Variants in PTPRG observed in about 807,000 individuals in gnomAD.
The protein encoded by PTPRG is protein tyrosine phosphatase receptor type G.
Under a neutral mutation model 165.3 loss-of-function variants are expected in PTPRG, and 102 were observed. That is an observed-to-expected ratio of 0.62 (90% CI 0.53 to 0.73). PTPRG has a LOEUF of 0.73. Among genes scored for constraint, PTPRG ranks in the 30% least tolerant of loss-of-function variants. The pLI is 0.00. For missense variants in PTPRG, 1,866 were observed against 1,861.4 expected (o/e 1.00, Z -0.05); for synonymous variants, 675 against 669.5 (o/e 1.01, Z -0.13).
chr3:61,821,099 T>A (rs558236523), intron 2 of PTPRG, among the ~76,000 whole-genome samples: 1 of 152,328 alleles, frequency 6.6e-6, no homozygotes, highest in Non-Finnish European at 1.5e-5. Context: ...TTTAACTTTT[T>A]CAATAATAAA....
Position 62,245,806 on chromosome 3 carries a change from A to G in PTPRG, c.2467+1908A>G, listed in dbSNP as rs1411834218. ...GCAGTCATGGAGAGAGAGCATTTGC[A>G]TGACTCTCATGTTAAAATTGTGTCC... On this transcript the variant is annotated intron_variant, in intron 15 of 29. Transcript: ENST00000474889. This position sits in a 1 kb window ranked among gnomAD's most constrained non-coding sequence, Gnocchi z 4.2. 6.6e-6 allele frequency among the ~76,000 whole-genome samples: 1 copy of G among 152,114 alleles called. No homozygotes were observed. Among genetic ancestry groups the G allele is most frequent in the Non-Finnish European group, 1.5e-5 (1 of 67,996 alleles).
rs1559735849 is a variant in PTPRG, at chr3:61,995,687, CCTTCCTTCCTTCCTTCCTTCCT to C, written c.370+5884_370+5905del. Among the ~76,000 whole-genome samples the C allele has an allele frequency of 2.2e-3, 197 of 88,358 alleles. 4 individuals are homozygous for C. Among genetic ancestry groups the C allele is most frequent in the South Asian group, 5.7e-3 (12 of 2,088 alleles). The allele number at this position is 88,358 out of a possible 152,430, so 58.0% of individuals were successfully genotyped here. ...TTCCGCCTGCCTGCCCGCCCGCCTT[CCTTCCTTCCTTCCTTCCTTCCT>C]TCCTTCCTTCCTTCCTTCCTTCCTT... On this transcript the variant is annotated intron_variant, in intron 3 of 29. Coordinates refer to ENST00000474889, the MANE Select transcript of PTPRG (RefSeq NM_002841.4).
intron 2 of PTPRG, among the ~76,000 whole-genome samples, chr3:61,956,444 C>T (rs1218612953): frequency 6.6e-6 from 1 of 152,146 alleles, no homozygotes; most frequent in African/African-American, 2.4e-5. Flanking sequence ...TCTTGCCCCT[C>T]AGCCTCACTA....
chr3:62,288,517 A>G (rs1028432403), intron 28 of PTPRG, among the ~76,000 whole-genome samples: 1 of 152,090 alleles, frequency 6.6e-6, no homozygotes. Flanking sequence ...TACTAAAAAT[A>G]CAAAAATTAG....
chr3:62,057,420 G>A (rs1414078564), intron 4 of PTPRG, among the ~76,000 whole-genome samples: 1 of 152,190 alleles, frequency 6.6e-6, no homozygotes, highest in African/African-American at 2.4e-5. Flanking sequence ...AGGCTGCCTT[G>A]TGGGACTCCC....
intron 1 of PTPRG, among the ~76,000 whole-genome samples, chr3:61,739,825 G>A (rs892698718): frequency 7.9e-5 from 12 of 152,196 alleles, no homozygotes; most frequent in South Asian, 4.1e-4. Context: ...GGGTGGAGAA[G>A]GCAGCTAGCT....
At chr3:62,283,632 T>C (rs577190526) in intron 28 of PTPRG, among the ~76,000 whole-genome samples, 1 of 152,258 alleles carries the variant, frequency 6.6e-6, no homozygotes, top group South Asian at 2.1e-4. Flanking sequence ...AAGGTAGCTC[T>C]TGGTCAGCAG....
chr3:62,287,461 A>G (rs969633885), intron 28 of PTPRG, among the ~76,000 whole-genome samples: 2 of 152,138 alleles, frequency 1.3e-5, no homozygotes, highest in African/African-American at 2.4e-5. Context: ...TTTATTATGA[A>G]ATAGGAACAA....
At chr3:62,006,199 C>G (rs1272843735) in intron 4 of PTPRG, among the ~76,000 whole-genome samples, 3 of 152,112 alleles carry the variant, frequency 2.0e-5, no homozygotes, top group African/African-American at 7.2e-5. Flanking sequence ...AATTGGGTTT[C>G]TCATTGAGGT....
chr3:62,010,170 C>T (rs974186792), intron 4 of PTPRG, among the ~76,000 whole-genome samples: 3 of 152,264 alleles, frequency 2.0e-5, no homozygotes, highest in African/African-American at 7.2e-5. Flanking sequence ...CCTCCCTCTT[C>T]GCCCTCCCAA....
At chr3:62,208,642 T>C (rs557373604) in intron 12 of PTPRG, among the ~76,000 whole-genome samples, 200 of 152,208 alleles carry the variant, frequency 1.3e-3, no homozygotes, top group African/African-American at 4.6e-3. Context: ...ATGAACACAA[T>C]TGGGCAGAGG....
chr3:61,750,124 G>A (rs964367399), intron 2 of PTPRG: 2 of 152,158 alleles, frequency 1.3e-5, no homozygotes, highest in African/African-American at 4.8e-5. Flanking sequence ...AGTACCTTGT[G>A]ATTAGAATTA....
intron 1 of PTPRG, among the ~76,000 whole-genome samples, chr3:61,584,642 G>C (rs1700389700): frequency 1.4e-5 from 2 of 147,612 alleles, no homozygotes; most frequent in Admixed American, 1.4e-4. Context: ...GTACGAGTTT[G>C]CTTATGTTAT....
chr3:61,887,170 A>ATATATTTTTTTTTTT (rs60282456), intron 2 of PTPRG, among the ~76,000 whole-genome samples: 4 of 115,524 alleles, frequency 3.5e-5, no homozygotes, highest in African/African-American at 1.3e-4. Flanking sequence ...ATATATATAT[A>ATATATTTTTTTTTTT]TTTTTAATGC....
Position 62,271,313 on chromosome 3 carries a change from C to T in PTPRG, c.3010-70C>T. 2.2e-6 allele frequency: 3 copies of T among 1,343,142 alleles called. No homozygotes were observed. The highest frequency in any genetic ancestry group is 3.1e-6 in the Non-Finnish European group (3 of 965,698). 83.2% of individuals were successfully genotyped at this position (1,343,142 alleles called of 1,614,324 possible). A position where few individuals can be genotyped will look rare whatever the true frequency, so the allele number is the denominator to read the frequency against. On this transcript the variant is annotated intron_variant, in intron 20 of 29. Transcript: ENST00000474889. This position sits in a 1 kb window ranked among gnomAD's most constrained non-coding sequence, Gnocchi z 4.1. ...TGATCAGTGGTCATGTGTCCTGACA[C>T]CCTTACATTATTTTTTTCCAGAATG...
chr3:62,289,097 A>G (rs189460905), intron 28 of PTPRG, among the ~76,000 whole-genome samples: 132 of 152,312 alleles, frequency 8.7e-4, no homozygotes, highest in African/African-American at 3.1e-3. Flanking sequence ...TACAAGTATC[A>G]GCTCAATTTT....
At chr3:61,712,330 G>A (rs368115213) in intron 1 of PTPRG, among the ~76,000 whole-genome samples, 3 of 148,500 alleles carry the variant, frequency 2.0e-5, no homozygotes, top group African/African-American at 7.4e-5. Context: ...AGCGGCTTAA[G>A]ACTTTTTTTT....
intron 2 of PTPRG, among the ~76,000 whole-genome samples, chr3:61,917,651 G>A (rs751784613): frequency 2.9e-4 from 44 of 152,116 alleles, no homozygotes; most frequent in Non-Finnish European, 3.4e-4. Context: ...AAGCAAAGGC[G>A]GGGCGTGGTG....
At chr3:61,687,637 G>T (rs1703675422) in intron 1 of PTPRG, among the ~76,000 whole-genome samples, 1 of 152,214 alleles carries the variant, frequency 6.6e-6, no homozygotes, top group Non-Finnish European at 1.5e-5. Context: ...GAGAAGTTAG[G>T]AAAGTGTGAA....
Sources: gnomAD v4.1 joint callset for allele counts (sites outside exome capture counted in the v4.1 genomes callset) on GRCh38, gnomAD v4.1.1 for gene constraint, Gnocchi (gnomAD v3.1) non-coding constraint, MANE v1.5 for transcripts, NCBI Gene and HGNC (gene_info 2026-07-23, HGNC 2026-07-21) for gene names.